CCDC91: variants seen among roughly 807,000 people sequenced by gnomAD.
CCDC91 encodes the protein coiled-coil domain-containing protein 91.
A neutral mutation model predicts 63.2 loss-of-function variants in CCDC91; 48 were observed. The observed-to-expected ratio is 0.76, with a 90% CI of 0.60 to 0.97. CCDC91 has a LOEUF of 0.97. Ranked by LOEUF, CCDC91 falls within the 50% of genes least tolerant of loss-of-function variation. The probability of loss-of-function intolerance (pLI) is 0.00; values close to 1 mark genes in which losing one functional copy is unlikely to be tolerated. For synonymous variants in CCDC91, 167 were observed against 165.8 expected, an observed-to-expected ratio of 1.01 and a Z score of -0.06; for missense variants, 500 against 494.6, an observed-to-expected ratio of 1.01 and a Z score of -0.10.
chr12:28,530,888 C>G (rs1400364443), intron 12 of CCDC91, among the ~76,000 whole-genome samples: 2 of 152,044 alleles, frequency 1.3e-5, no homozygotes, highest in Non-Finnish European at 2.9e-5. Context: ...GGAACTTAAT[C>G]CCCAGTGCAA....
At chr12:28,246,673 G>A (rs1319925354) in intron 1 of CCDC91, among the ~76,000 whole-genome samples, 1 of 152,126 alleles carries the variant, frequency 6.6e-6, no homozygotes, top group African/African-American at 2.4e-5. Flanking sequence ...AAGGATTGGA[G>A]AGCAGAATGA....
chr12:28,264,581 C>CTGTGTGTG (rs1357762563), intron 3 of CCDC91, among the ~76,000 whole-genome samples: 48 of 29,988 alleles, frequency 1.6e-3, no homozygotes, highest in East Asian at 8.5e-3. Context: ...ATATATATGT[C>CTGTGTGTG]TGTCTGTGTG....
chr12:28,527,960 A>G (rs1941415379), intron 12 of CCDC91, among the ~76,000 whole-genome samples: 1 of 152,140 alleles, frequency 6.6e-6, no homozygotes, highest in Non-Finnish European at 1.5e-5. Context: ...CCCCCCGCCA[A>G]GAGCACCAAG....
intron 6 of CCDC91, chr12:28,319,467 C>CT: frequency 6.5e-6 from 1 of 152,848 alleles, no homozygotes; most frequent in Non-Finnish European, 1.5e-5. Flanking sequence ...CAAAGTTAAA[C>CT]ATTTATTCTA....
chr12:28,230,950 G>T (rs1212860947), intron 1 of CCDC91, among the ~76,000 whole-genome samples: 1 of 152,142 alleles, frequency 6.6e-6, no homozygotes, highest in Non-Finnish European at 1.5e-5. Flanking sequence ...AATTTACAGT[G>T]TTCAAGCTAG....
intron 7 of CCDC91, 22 bp downstream of exon 7, chr12:28,362,537 C>T: frequency 6.7e-7 from 1 of 1,482,738 alleles, no homozygotes; most frequent in Non-Finnish European, 9.1e-7. Flanking sequence ...AGAGTGTTTA[C>T]TTTTTTAAAC....
chr12:28,467,264 G>C (rs1450182187), intron 11 of CCDC91, among the ~76,000 whole-genome samples: 1 of 152,042 alleles, frequency 6.6e-6, no homozygotes, highest in African/African-American at 2.4e-5. Flanking sequence ...AAGAAAAAGG[G>C]ATGGAAAAAG....
intron 1 of CCDC91, among the ~76,000 whole-genome samples, chr12:28,220,120 T>C (rs182581249): frequency 6.6e-6 from 1 of 152,268 alleles, no homozygotes; most frequent in East Asian, 1.9e-4. Context: ...ATTACATGGT[T>C]GAGTTTAAAT....
At chr12:28,529,565 G>A (rs138678018) in intron 12 of CCDC91, among the ~76,000 whole-genome samples, 18 of 152,328 alleles carry the variant, frequency 1.2e-4, no homozygotes, top group South Asian at 4.1e-4. Flanking sequence ...TGTAAAGTGA[G>A]TAGGGTTAGA....
At chr12:28,268,650 A>G in intron 3 of CCDC91, 2 of 985,250 alleles carry the variant, frequency 2.0e-6, no homozygotes, top group Non-Finnish European at 2.4e-6. Flanking sequence ...AGCTATATCC[A>G]GGACTGCTTC....
intron 3 of CCDC91, among the ~76,000 whole-genome samples, chr12:28,279,231 T>A (rs1948436876): frequency 8.0e-6 from 1 of 125,506 alleles, no homozygotes; most frequent in South Asian, 2.8e-4. Context: ...TTATGTGATA[T>A]AAAAGTTTGT....
intron 8 of CCDC91, among the ~76,000 whole-genome samples, chr12:28,427,249 AGC>A (rs1386843819): frequency 2.0e-5 from 3 of 152,236 alleles, no homozygotes; most frequent in East Asian, 1.9e-4. Context: ...AAAAGGCTAG[AGC>A]GCGCTGGAAT....
chr12:28,547,882 C>T (rs148699980), intron 12 of CCDC91, among the ~76,000 whole-genome samples: 64 of 151,982 alleles, frequency 4.2e-4, no homozygotes, highest in African/African-American at 1.5e-3. Context: ...TCAGGTTTGC[C>T]TTTGTGGGGG....
At chr12:28,394,477 CAAA>C (rs554990076) in intron 8 of CCDC91, among the ~76,000 whole-genome samples, 1 of 142,952 alleles carries the variant, frequency 7.0e-6, no homozygotes, top group African/African-American at 2.6e-5. Context: ...AACAAACAAA[CAAA>C]AAAAAAACAA....
intron 7 of CCDC91, among the ~76,000 whole-genome samples, chr12:28,382,292 A>G (rs1443571275): frequency 2.6e-5 from 4 of 151,352 alleles, no homozygotes; most frequent in African/African-American, 9.7e-5. Context: ...TTAAAATAAT[A>G]TTTATAATAA....
intron 1 of CCDC91, among the ~76,000 whole-genome samples, chr12:28,217,354 A>G (rs932676816): frequency 6.6e-6 from 1 of 152,152 alleles, no homozygotes; most frequent in Non-Finnish European, 1.5e-5. Context: ...AGTTGAACAT[A>G]TTTGAGTTAT....
chr12:28,201,388 C>T lies in CCDC91; in HGVS notation c.-15+10747C>T, dbSNP rs71462062. On this transcript the variant is annotated intron_variant, in intron 1 of 12. Coordinates refer to ENST00000536442, the MANE Select transcript of CCDC91 (RefSeq NM_018318.5). ...GTAGAGGAGCTCCTCACATCCCAGG[C>T]GGGGCAGCGGGGCAGAGGCTCTCCC... Among the ~76,000 whole-genome samples the T allele has an allele frequency of 4.4e-5, 6 of 137,780 alleles. No homozygotes were observed. The East Asian group carries it at 6.1e-4, about 14-fold the overall frequency. 90.4% of individuals were successfully genotyped at this position (137,780 alleles called of 152,430 possible). A position where few individuals can be genotyped will look rare whatever the true frequency, so the allele number is the denominator to read the frequency against.
rs60083355 is a variant in CCDC91 at position 28,458,455 on chromosome 12, C to CTTTTTTTTTTTTTTTTTTTTTTTTTTTT, written c.1101+5806_1101+5833dup. On this transcript the variant is annotated intron_variant, in intron 11 of 12. Transcript: ENST00000536442. ...TTCCCTTTTGTCCTCATTTGCACAC[C>CTTTTTTTTTTTTTTTTTTTTTTTTTTTT]TTTTTTTTTTTTTTTTTTTTTTTTT... Among the ~76,000 whole-genome samples, 4 of 45,806 alleles carry CTTTTTTTTTTTTTTTTTTTTTTTTTTTT rather than the reference C, an allele frequency of 8.7e-5. 1 individual carries two copies. The highest frequency in any genetic ancestry group is 4.4e-4 in the African/African-American group (4 of 9,074). The allele number at this position is 45,806 out of a possible 152,430, so 30.1% of individuals were successfully genotyped here.
intron 6 of CCDC91, 36 bp from the exon 7 acceptor site, chr12:28,362,402 G>T: frequency 6.9e-7 from 1 of 1,440,754 alleles, no homozygotes; most frequent in Non-Finnish European, 9.5e-7. Context: ...CAAAACAGAA[G>T]AAAAACTCAT....
Sources: gnomAD v4.1 joint callset for allele counts (sites outside exome capture counted in the v4.1 genomes callset) on GRCh38, gnomAD v4.1.1 for gene constraint, MANE v1.5 for transcripts, NCBI Gene and HGNC (gene_info 2026-07-23, HGNC 2026-07-21) for gene names.